Variants in TCF7L2 observed in about 807,000 individuals in gnomAD.
The protein encoded by TCF7L2 is transcription factor 7-like 2.
In TCF7L2, 23 loss-of-function variants were observed where a neutral mutation model predicts 77.9. The observed-to-expected ratio is 0.30, with a 90% CI of 0.21 to 0.42. The LOEUF is 0.42. TCF7L2 is among the 10% of genes least tolerant of loss of function. The pLI, the probability that TCF7L2 is intolerant of heterozygous loss-of-function variation, is 1.00. For missense variants in TCF7L2, 654 were observed against 793.1 expected (o/e 0.82, Z 2.11); for synonymous variants, 413 against 340.2 (o/e 1.21, Z -2.36).
chr10:113,103,163 A>G (rs184137348), intron 5 of TCF7L2, among the ~76,000 whole-genome samples: 1 of 152,258 alleles, frequency 6.6e-6, no homozygotes, highest in East Asian at 1.9e-4. Flanking sequence ...TGGGTCTTCA[A>G]ATGTTGTCCA....
rs921896304 is a variant in TCF7L2, at chr10:113,126,528, T to G, written c.553-14656T>G. On this transcript the variant is annotated intron_variant, in intron 5 of 13. Transcript: ENST00000627217. ...TGTTCTTTTGATTGAATGCCGGGGT[T>G]TGGGGGAAAAAAAGAAGAGTAAGAA... 4.6e-5 allele frequency: 45 copies of G among 977,314 alleles called. No individual in the cohort carries two copies. In the Middle Eastern group the frequency reaches 2.6e-3, roughly 56 times the overall value. 60.5% of individuals were successfully genotyped at this position (977,314 alleles called of 1,614,324 possible).
chr10:113,013,529 G>A (rs996245822), intron 4 of TCF7L2, among the ~76,000 whole-genome samples: 2 of 152,202 alleles, frequency 1.3e-5, no homozygotes, highest in Non-Finnish European at 1.5e-5. Flanking sequence ...TAAAAAGATG[G>A]GATATTTTGA....
chr10:113,089,518 T>C (rs1432549304), intron 5 of TCF7L2: 69 of 1,613,612 alleles, frequency 4.3e-5, no homozygotes, highest in Non-Finnish European at 5.7e-5. Flanking sequence ...TTACAAAAAG[T>C]TGGGGAGCCC....
At chr10:112,984,602 C>T (rs1347903185) in intron 4 of TCF7L2, among the ~76,000 whole-genome samples, 1 of 151,908 alleles carries the variant, frequency 6.6e-6, no homozygotes, top group Non-Finnish European at 1.5e-5. Flanking sequence ...AACTATTTCC[C>T]CAGGCAGTGC....
chr10:113,003,705 T>C (rs1477307141), intron 4 of TCF7L2, among the ~76,000 whole-genome samples: 1 of 152,194 alleles, frequency 6.6e-6, no homozygotes, highest in African/African-American at 2.4e-5. Context: ...TCTCATGAAA[T>C]GAAACAGGTG....
intron 4 of TCF7L2, among the ~76,000 whole-genome samples, chr10:113,009,713 G>A (rs2046143929): frequency 6.6e-6 from 1 of 152,102 alleles, no homozygotes. Context: ...AGCTGTAAAG[G>A]GCCATTGTCA....
chr10:113,070,753 C>T lies in TCF7L2; in HGVS notation c.552+30627C>T, dbSNP rs537986930. 7.9e-5 allele frequency among the ~76,000 whole-genome samples: 12 copies of T among 151,980 alleles called. 1 individual carries two copies. Among genetic ancestry groups the T allele is most frequent in the African/African-American group, 1.2e-4 (5 of 41,284 alleles). ...TATTTGCTATAGTTAAAGCAAGGAA[C>T]CCTCCTTCTTAAAAAATTATACAGT... On this transcript the variant is annotated intron_variant, in intron 5 of 13. Coordinates refer to ENST00000627217, the MANE Select transcript of TCF7L2 (RefSeq NM_001146274.2).
chr10:113,116,972 A>G (rs1165098621), intron 5 of TCF7L2, among the ~76,000 whole-genome samples: 2 of 152,214 alleles, frequency 1.3e-5, no homozygotes, highest in Admixed American at 6.5e-5. Context: ...CTGAAATCAT[A>G]GATGTACAAC....
intron 4 of TCF7L2, among the ~76,000 whole-genome samples, chr10:113,015,446 C>CTT (rs67005436): frequency 8.8e-4 from 91 of 103,186 alleles, no homozygotes; most frequent in South Asian, 1.2e-3. Flanking sequence ...GCCTGATGAG[C>CTT]TTTTTTTTTT....
rs398014821 is a variant in TCF7L2, at chr10:113,107,752, T to TAAAAA, written c.553-33412_553-33408dup. On this transcript the variant is annotated intron_variant, in intron 5 of 13. Transcript: ENST00000627217. ...CTGGGCGACCGAGCGAGACTCCGTC[T>TAAAAA]AAAAAAAAAAAAAAAAAAAAAAAAC... Among the ~76,000 whole-genome samples the TAAAAA allele has an allele frequency of 6.6e-3, 364 of 55,212 alleles. 38 individuals carry two copies. The highest frequency in any genetic ancestry group is 9.0e-3 in the Admixed American group (37 of 4,124). 36.2% of individuals were successfully genotyped at this position (55,212 alleles called of 152,430 possible).
In TCF7L2 at chr10:112,950,659, A is replaced by AT; in HGVS notation, c.-92dup. ...CTTGGACTCGTCTTTTTCTTGCAAT[A>AT]TTTTTTGGGGGGGCAAAACTTTTTG... On this transcript the variant is annotated 5_prime_UTR_variant, in exon 1 of 14. Transcript: ENST00000627217. The AT allele has an allele frequency of 1.3e-5, 18 of 1,415,592 alleles. No homozygotes were observed. Among genetic ancestry groups the AT allele is most frequent in the South Asian group, 2.7e-5 (2 of 72,814 alleles). 87.7% of individuals were successfully genotyped at this position (1,415,592 alleles called of 1,614,324 possible). A position where few individuals can be genotyped will look rare whatever the true frequency, so the allele number is the denominator to read the frequency against.
At chr10:113,156,023 G>T (rs1472189787) in intron 11 of TCF7L2, among the ~76,000 whole-genome samples, 1 of 152,154 alleles carries the variant, frequency 6.6e-6, no homozygotes, top group African/African-American at 2.4e-5. Flanking sequence ...ACAACAGATG[G>T]CCCTCAGCCC....
At chr10:113,107,331 T>C (rs1158002862) in intron 5 of TCF7L2, among the ~76,000 whole-genome samples, 2 of 152,130 alleles carry the variant, frequency 1.3e-5, no homozygotes, top group East Asian at 3.8e-4. Flanking sequence ...ATAAACTCTG[T>C]AGTCCCTCCC....
chr10:112,991,186 A>T (rs763185580), intron 4 of TCF7L2, among the ~76,000 whole-genome samples: 8 of 152,084 alleles, frequency 5.3e-5, no homozygotes, highest in Admixed American at 2.0e-4. Context: ...GGGGGGTGGA[A>T]TCCTGTATCC....
intron 13 of TCF7L2, among the ~76,000 whole-genome samples, chr10:113,164,617 G>T (rs1479334482): frequency 6.7e-6 from 1 of 149,972 alleles, no homozygotes; most frequent in African/African-American, 2.4e-5. Flanking sequence ...AAAAAATCAA[G>T]TTTGAATCTT....
intron 5 of TCF7L2, among the ~76,000 whole-genome samples, chr10:113,081,045 G>A (rs970691050): frequency 1.3e-5 from 2 of 152,176 alleles, no homozygotes; most frequent in African/African-American, 2.4e-5. Flanking sequence ...GGAGGAGGGC[G>A]CTGTTTACCA....
intron 4 of TCF7L2, among the ~76,000 whole-genome samples, chr10:112,975,947 A>AGCAT (rs1316207086): frequency 6.6e-6 from 1 of 152,234 alleles, no homozygotes; most frequent in Admixed American, 6.5e-5. Context: ...AATAGTTTAA[A>AGCAT]GCATGCATCC....
At chr10:113,063,777 T>A (rs1417353383) in intron 5 of TCF7L2, among the ~76,000 whole-genome samples, 1 of 152,080 alleles carries the variant, frequency 6.6e-6, no homozygotes, top group Non-Finnish European at 1.5e-5. Context: ...ATGAAAGAGT[T>A]CTTTAGGAAA....
intron 4 of TCF7L2, among the ~76,000 whole-genome samples, chr10:112,984,310 T>G (rs74159629): frequency 0.027 from 4,168 of 152,218 alleles, 178 homozygotes; most frequent in African/African-American, 0.094. Flanking sequence ...ATGTTTTTGT[T>G]TTTGTTTTTT....
Sources: allele counts gnomAD v4.1 joint callset (sites outside exome capture counted in the v4.1 genomes callset), GRCh38; gene constraint gnomAD v4.1.1; transcripts MANE v1.5; gene names NCBI Gene and HGNC (gene_info 2026-07-23, HGNC 2026-07-21).